Variants in NRXN3 observed in about 807,000 individuals in gnomAD.
NRXN3 encodes the protein neurexin III.
A neutral mutation model predicts 137.6 loss-of-function variants in NRXN3; 32 were observed. The ratio of observed to expected loss-of-function variants is 0.23; its 90% confidence interval spans 0.18 to 0.31. The LOEUF is 0.31. Among genes scored for constraint, NRXN3 ranks in the 10% least tolerant of loss-of-function variants. NRXN3 has a pLI of 1.00. For missense variants in NRXN3, 1,574 were observed against 2,062.5 expected, an observed-to-expected ratio of 0.76 and a Z score of 4.59; for synonymous variants, 798 against 784.5, an observed-to-expected ratio of 1.02 and a Z score of -0.29.
At chr14:78,685,810 CTTTTTTTTT>C (rs76135969) in intron 6 of NRXN3, among the ~76,000 whole-genome samples, 11 of 133,820 alleles carry the variant, frequency 8.2e-5, no homozygotes, top group African/African-American at 3.0e-4. Flanking sequence ...GTTTTTCTTT[CTTTTTTTTT>C]TTTTTTTGTA....
intron 4 of NRXN3, among the ~76,000 whole-genome samples, chr14:78,531,954 G>T (rs1402262058): frequency 2.6e-5 from 4 of 152,146 alleles, no homozygotes; most frequent in Admixed American, 2.0e-4. Flanking sequence ...AATATCACCA[G>T]TTTTTTATTT....
At chr14:79,627,602 T>A (rs138341907) in intron 16 of NRXN3, among the ~76,000 whole-genome samples, 34 of 152,362 alleles carry the variant, frequency 2.2e-4, no homozygotes, top group Non-Finnish European at 4.0e-4. Flanking sequence ...TCTTTCATTC[T>A]TCTCGGTATC....
chr14:79,082,368 A>T (rs1406947300), intron 15 of NRXN3, among the ~76,000 whole-genome samples: 1 of 146,494 alleles, frequency 6.8e-6, no homozygotes, highest in Admixed American at 7.0e-5. Flanking sequence ...TGCATTTGCC[A>T]AACTCCTGTG....
chr14:78,407,426 A>T (rs1050424222), intron 4 of NRXN3, among the ~76,000 whole-genome samples: 3 of 152,174 alleles, frequency 2.0e-5, no homozygotes, highest in Admixed American at 2.0e-4. Flanking sequence ...TTTATAGTCA[A>T]GCTTTGTTAT....
At chr14:79,412,681 G>C (rs578180756) in intron 15 of NRXN3, among the ~76,000 whole-genome samples, 2 of 148,056 alleles carry the variant, frequency 1.4e-5, no homozygotes, top group South Asian at 2.2e-4. Context: ...TACTAGGGAG[G>C]CTAAGGCAAT....
At chr14:79,595,406 T>A (rs1258597786) in intron 16 of NRXN3, among the ~76,000 whole-genome samples, 2 of 152,206 alleles carry the variant, frequency 1.3e-5, no homozygotes, top group Non-Finnish European at 2.9e-5. Flanking sequence ...AAATCTTATA[T>A]TTTCTTTTTG....
chr14:78,750,841 G>A (rs559427324), intron 8 of NRXN3, among the ~76,000 whole-genome samples: 1 of 152,268 alleles, frequency 6.6e-6, no homozygotes, highest in Non-Finnish European at 1.5e-5. Flanking sequence ...TCAGAGCTCA[G>A]GAGGTAACTA....
chr14:79,318,399 C>T (rs895592506), intron 15 of NRXN3, among the ~76,000 whole-genome samples: 8 of 152,144 alleles, frequency 5.3e-5, no homozygotes, highest in Non-Finnish European at 8.8e-5. Flanking sequence ...AGAAACAACA[C>T]GGAGTAGATC....
intron 10 of NRXN3, among the ~76,000 whole-genome samples, chr14:78,885,393 C>A (rs868062721): frequency 2.0e-5 from 3 of 151,604 alleles, no homozygotes; most frequent in Non-Finnish European, 4.4e-5. Context: ...GATTTAAAAG[C>A]CTTAGATTAA....
intron 14 of NRXN3, among the ~76,000 whole-genome samples, chr14:78,986,708 G>C (rs368646788): frequency 6.6e-6 from 1 of 151,868 alleles, no homozygotes; most frequent in Non-Finnish European, 1.5e-5. Flanking sequence ...ATGCTCCAGC[G>C]CATGCACACT....
chr14:78,283,982 C>T (rs945104334), intron 3 of NRXN3, among the ~76,000 whole-genome samples: 1 of 152,188 alleles, frequency 6.6e-6, no homozygotes, highest in Non-Finnish European at 1.5e-5. Flanking sequence ...GGTTCCACTT[C>T]TTTCATCTGC....
At chr14:79,432,666 C>G (rs2095781903) in intron 15 of NRXN3, among the ~76,000 whole-genome samples, 1 of 152,004 alleles carries the variant, frequency 6.6e-6, no homozygotes, top group African/African-American at 2.4e-5. Flanking sequence ...GTTATTTTTT[C>G]TATTTTCAGA....
chr14:79,369,993 G>C (rs912474254), intron 15 of NRXN3, among the ~76,000 whole-genome samples: 1 of 152,202 alleles, frequency 6.6e-6, no homozygotes, highest in Non-Finnish European at 1.5e-5. Flanking sequence ...CATCCAGAAG[G>C]TTTCTTGGGC....
chr14:78,928,742 AT>A (rs201801735), intron 10 of NRXN3, among the ~76,000 whole-genome samples: 49,877 of 151,988 alleles, frequency 0.33, 10,266 homozygotes, highest in African/African-American at 0.58. Context: ...GCTATTGTGA[AT>A]TAGTGCCTCA....
chr14:79,734,156 C>T (rs2098933983), intron 19 of NRXN3, among the ~76,000 whole-genome samples: 1 of 152,140 alleles, frequency 6.6e-6, no homozygotes, highest in Admixed American at 6.5e-5. Flanking sequence ...CTTGTTTTTC[C>T]TCTAAATAGC....
At chr14:78,924,021 G>A (rs1436710946) in intron 10 of NRXN3, among the ~76,000 whole-genome samples, 3 of 152,058 alleles carry the variant, frequency 2.0e-5, no homozygotes, top group Non-Finnish European at 2.9e-5. Flanking sequence ...AGGCTGAGGC[G>A]GGTGGATCAC....
At chr14:78,975,311 T>G (rs1208500335) in intron 14 of NRXN3, among the ~76,000 whole-genome samples, 1 of 151,962 alleles carries the variant, frequency 6.6e-6, no homozygotes, top group Non-Finnish European at 1.5e-5. Context: ...AGACAGAGTT[T>G]GAGCTGAGTC....
chr14:78,913,687 T>C (rs2099247270), intron 10 of NRXN3, among the ~76,000 whole-genome samples: 3 of 152,166 alleles, frequency 2.0e-5, no homozygotes, highest in African/African-American at 7.2e-5. Flanking sequence ...GTTTAAAGTT[T>C]CTGCTTGTGC....
At chr14:78,603,974 G>A (rs2097223176) in intron 4 of NRXN3, among the ~76,000 whole-genome samples, 1 of 152,146 alleles carries the variant, frequency 6.6e-6, no homozygotes. Context: ...AATTTATAAA[G>A]GAAAGAGGTT....
Sources: gnomAD v4.1 joint callset for allele counts (sites outside exome capture counted in the v4.1 genomes callset) on GRCh38, gnomAD v4.1.1 for gene constraint, MANE v1.5 for transcripts, NCBI Gene and HGNC (gene_info 2026-07-23, HGNC 2026-07-21) for gene names.